HIPK3: variants seen among roughly 807,000 people sequenced by gnomAD.
HIPK3 encodes the protein homeodomain-interacting protein kinase 3.
Under a neutral mutation model 124.2 loss-of-function variants are expected in HIPK3, and 47 were observed. That is an observed-to-expected ratio of 0.38 (90% CI 0.30 to 0.48). HIPK3 has a LOEUF of 0.48. Among genes scored for constraint, HIPK3 ranks in the 20% least tolerant of loss-of-function variants. The probability of loss-of-function intolerance (pLI) is 0.98; values close to 1 mark genes in which losing one functional copy is unlikely to be tolerated. For missense variants in HIPK3, 1,286 were observed against 1,454.3 expected (o/e 0.88, Z 1.88); for synonymous variants, 482 against 515.2 (o/e 0.94, Z 0.87).
At chr11:33,328,202 C>G (rs1488394387) in intron 2 of HIPK3, among the ~76,000 whole-genome samples, 1 of 152,098 alleles carries the variant, frequency 6.6e-6, no homozygotes, top group Non-Finnish European at 1.5e-5. Context: ...TGTGTTATTT[C>G]TGATCTGCTG....
chr11:33,317,267 T>C lies in HIPK3; in HGVS notation c.1098-11243T>C, dbSNP rs868381765. On this transcript the variant is annotated intron_variant, in intron 2 of 16. Transcript: ENST00000303296. ...GATTACAGGCGTGAGCCACTGTGCC[T>C]GGCCCTATTTTTTTTTTTTTTTTTT... is the stretch of plus-strand genomic sequence containing the variant. Among the ~76,000 whole-genome samples, 3 of 137,210 alleles carry C rather than the reference T, an allele frequency of 2.2e-5. No individual in the cohort carries two copies. The South Asian group carries it at 6.9e-4, about 32-fold the overall frequency. 90.0% of individuals were successfully genotyped at this position (137,210 alleles called of 152,430 possible).
At chr11:33,275,942 G>A (rs2133884349) in intron 1 of HIPK3, among the ~76,000 whole-genome samples, 3 of 152,276 alleles carry the variant, frequency 2.0e-5, no homozygotes, top group Admixed American at 2.0e-4. Flanking sequence ...ACCATATTTG[G>A]CTGTTCATCC....
At chr11:33,328,784 A>G in intron 3 of HIPK3, 151 bp downstream of exon 3, 1 of 634,034 alleles carries the variant, frequency 1.6e-6, no homozygotes, top group South Asian at 2.8e-5. Context: ...TGATTTTGAA[A>G]ACTGTTTTAT....
chr11:33,334,930 CTCAG>C (rs1329791540), intron 3 of HIPK3, among the ~76,000 whole-genome samples: 3 of 152,058 alleles, frequency 2.0e-5, no homozygotes. Context: ...AATTGTATAA[CTCAG>C]AATTGAAGAG....
intron 1 of HIPK3, among the ~76,000 whole-genome samples, chr11:33,261,973 C>T (rs936619400): frequency 2.6e-5 from 4 of 152,120 alleles, no homozygotes; most frequent in Admixed American, 2.6e-4. Context: ...TCAGTGATAA[C>T]CTTTTTTTCA....
Position 33,320,597 on chromosome 11 carries a change from A to G in HIPK3, c.1098-7913A>G, listed in dbSNP as rs1852635405. 2.0e-5 allele frequency among the ~76,000 whole-genome samples: 3 copies of G among 152,342 alleles called. No homozygotes were observed. The South Asian group carries it at 6.2e-4, about 32-fold the overall frequency. ...ATGAGAGGTGATGGTGGTTTGGATC[A>G]GGATGGTAGCAGTAAAGGTAGTTAC... On this transcript the variant is annotated intron_variant, in intron 2 of 16. Transcript: ENST00000303296.
At position 33,338,745 on chromosome 11, in the gene HIPK3, A is replaced by G. The variant is rs375652655; in HGVS notation, c.1342-12A>G. 3.9e-6 allele frequency: 6 copies of G among 1,553,586 alleles called. No individual in the cohort carries two copies. The highest frequency in any genetic ancestry group is 2.3e-5 in the East Asian group (1 of 44,426). On this transcript the variant is annotated splice_polypyrimidine_tract_variant and intron_variant, in intron 4 of 16. Transcript: ENST00000303296. The stretch of plus-strand genomic sequence containing the variant: ...TAATGTATTCTTTTTTCCCTTTGAT[A>G]TATGCAATAAGACATTGGAAGAGCA...
At position 33,311,014 on chromosome 11, in the gene HIPK3, A is replaced by G. The variant is rs182974957; in HGVS notation, c.1098-17496A>G. Among the ~76,000 whole-genome samples the G allele has an allele frequency of 1.2e-3, 183 of 152,264 alleles. 2 individuals are homozygous for G. Among genetic ancestry groups the G allele is most frequent in the African/African-American group, 4.3e-3 (177 of 41,546 alleles). ...TTTGCCGGCCCAGTGGGATGGCTGC[A>G]GGCTCTTGACTACTACTTTCTGTTC... On this transcript the variant is annotated intron_variant, in intron 2 of 16. Coordinates refer to ENST00000303296, the MANE Select transcript of HIPK3 (RefSeq NM_005734.5).
intron 3 of HIPK3, among the ~76,000 whole-genome samples, chr11:33,330,479 C>G (rs1033934789): frequency 6.6e-5 from 10 of 152,188 alleles, no homozygotes; most frequent in Admixed American, 6.5e-4. Flanking sequence ...CAGGCACACA[C>G]CACCATGCCC....
In HIPK3 at chr11:33,348,601, G is replaced by A. The variant is rs755288665; in HGVS notation, c.2449G>A (p.Glu817Lys). Residue 817 changes from glutamate to lysine, a missense_variant, in exon 13 of 17, where the codon GAA (glutamate) becomes AAA (lysine). By Grantham distance (56) the Glu-to-Lys change is moderately conservative. This residue lies in a region of HIPK3 where 810 missense variants were observed against 864.9 expected (regional missense o/e 0.94). Transcript: ENST00000303296. ...GATAATTAATGGGAAAGATGTCGAG[G>A]AAGTAAGTTGTATAGAAACACAGGA... ...PKIINGKDVEEVSCIETQDNQ... is the reference protein window; with the variant it reads ...PKIINGKDVEKVSCIETQDNQ... The A allele has an allele frequency of 9.3e-5, 150 of 1,613,884 alleles. 1 individual carries two copies. The Middle Eastern group carries it at 3.0e-3, about 32-fold the overall frequency.
intron 2 of HIPK3, among the ~76,000 whole-genome samples, chr11:33,293,247 T>G (rs952197591): frequency 6.6e-5 from 10 of 150,730 alleles, no homozygotes; most frequent in Non-Finnish European, 1.0e-4. Context: ...TTCATTCATT[T>G]AAGTATACAA....
At chr11:33,316,195 G>A (rs1353953802) in intron 2 of HIPK3, among the ~76,000 whole-genome samples, 2 of 152,142 alleles carry the variant, frequency 1.3e-5, no homozygotes, top group African/African-American at 4.8e-5. Context: ...ACCTTTCTAA[G>A]AATGTTGAGG....
In HIPK3 at chr11:33,354,495, G is replaced by A. The variant is rs1370421050; in HGVS notation, c.*927G>A. 4 of 152,514 alleles carry A rather than the reference G, an allele frequency of 2.6e-5. No individual in the cohort carries two copies. The highest frequency in any genetic ancestry group is 4.8e-5 in the African/African-American group (2 of 41,420). The allele number at this position is 152,514 out of a possible 1,614,324, so 9.4% of individuals were successfully genotyped here. A position where few individuals can be genotyped will look rare whatever the true frequency, so the allele number is the denominator to read the frequency against. ...TTTTGAGAGTGTTTGCTGTATAATT[G>A]GACTTAATAAAATGTTTAGAGGTAC... On this transcript the variant is annotated 3_prime_UTR_variant, in exon 17 of 17. Coordinates refer to ENST00000303296, the MANE Select transcript of HIPK3 (RefSeq NM_005734.5).
chr11:33,262,116 A>G (rs1213810431), intron 1 of HIPK3, among the ~76,000 whole-genome samples: 1 of 152,216 alleles, frequency 6.6e-6, no homozygotes, highest in Non-Finnish European at 1.5e-5. Flanking sequence ...TAAGCACCTT[A>G]TATTAAGAAT....
intron 2 of HIPK3, among the ~76,000 whole-genome samples, chr11:33,302,862 T>A (rs1852046389): frequency 6.6e-6 from 1 of 152,216 alleles, no homozygotes; most frequent in African/African-American, 2.4e-5. Context: ...ATTTCTATCC[T>A]CTTTCCTTAG....
At chr11:33,267,916 A>G (rs1474140210) in intron 1 of HIPK3, among the ~76,000 whole-genome samples, 1 of 152,196 alleles carries the variant, frequency 6.6e-6, no homozygotes, top group East Asian at 1.9e-4. Flanking sequence ...ATTGTATATA[A>G]TACAGTATTC....
chr11:33,277,400 C>T (rs539230487), intron 1 of HIPK3, among the ~76,000 whole-genome samples: 6 of 152,310 alleles, frequency 3.9e-5, no homozygotes, highest in South Asian at 2.1e-4. Flanking sequence ...AGTTCTAGCA[C>T]ATTTCCTCCT....
At chr11:33,260,754 A>G (rs1213514011) in intron 1 of HIPK3, among the ~76,000 whole-genome samples, 2 of 152,212 alleles carry the variant, frequency 1.3e-5, no homozygotes, top group Non-Finnish European at 2.9e-5. Context: ...TCCATATTTA[A>G]ATATCCTTCC....
chr11:33,296,848 G>T lies in HIPK3; in HGVS notation c.1097+9337G>T, dbSNP rs537385893. ...TAGGCCAGTTAGTAACCCTGCAGTG[G>T]CCTCTCAGTGTTCTAAGAGAAAGGA... is the stretch of plus-strand genomic sequence containing the variant. On this transcript the variant is annotated intron_variant, in intron 2 of 16. Coordinates refer to ENST00000303296, the MANE Select transcript of HIPK3 (RefSeq NM_005734.5). Among the ~76,000 whole-genome samples the T allele has an allele frequency of 4.3e-4, 65 of 152,280 alleles. 1 individual carries two copies. Among genetic ancestry groups the T allele is most frequent in the Admixed American group, 8.5e-4 (13 of 15,294 alleles).
Sources: gnomAD v4.1 joint callset for allele counts (sites outside exome capture counted in the v4.1 genomes callset) on GRCh38, gnomAD v4.1.1 for gene constraint, gnomAD v4.1.1 regional missense constraint, MANE v1.5 for transcripts, NCBI Gene and HGNC (gene_info 2026-07-23, HGNC 2026-07-21) for gene names.